DPP10: variants seen among roughly 807,000 people sequenced by gnomAD.
The protein encoded by DPP10 is inactive dipeptidyl peptidase 10.
DPP10 carries 33 observed loss-of-function variants against 120.9 expected under a neutral mutation model. The ratio of observed to expected loss-of-function variants is 0.27; its 90% CI spans 0.21 to 0.37. The LOEUF is 0.37. Ranked by LOEUF, DPP10 falls within the 10% of genes least tolerant of loss-of-function variation. The probability of loss-of-function intolerance (pLI) is 1.00; values close to 1 mark genes in which losing one functional copy is unlikely to be tolerated. For synonymous variants in DPP10, 337 were observed against 326.1 expected, an observed-to-expected ratio of 1.03 and a Z score of -0.36; for missense variants, 816 against 942.8, an observed-to-expected ratio of 0.87 and a Z score of 1.76.
intron 1 of DPP10, chr2:115,064,926 C>T: frequency 2.1e-6 from 2 of 970,582 alleles, no homozygotes; most frequent in Non-Finnish European, 2.8e-6. Flanking sequence ...TTGTTTTAAG[C>T]ATTATTCATC....
At chr2:115,280,592 T>A (rs910675288) in intron 1 of DPP10, among the ~76,000 whole-genome samples, 4 of 152,200 alleles carry the variant, frequency 2.6e-5, no homozygotes, top group Admixed American at 2.6e-4. Flanking sequence ...AAGCAAGATG[T>A]CATATGTGTT....
chr2:115,302,266 C>G (rs1005879061), intron 1 of DPP10, among the ~76,000 whole-genome samples: 3 of 152,010 alleles, frequency 2.0e-5, no homozygotes, highest in Non-Finnish European at 2.9e-5. Flanking sequence ...GCCCCTTCTC[C>G]ACCATGATAT....
At chr2:115,654,175 A>G (rs2088069779) in intron 5 of DPP10, among the ~76,000 whole-genome samples, 1 of 151,804 alleles carries the variant, frequency 6.6e-6, no homozygotes, top group African/African-American at 2.4e-5. Flanking sequence ...CTGCAGTGTT[A>G]GCTTCATCAC....
At chr2:115,451,057 A>G (rs1478221354) in intron 3 of DPP10, among the ~76,000 whole-genome samples, 1 of 151,890 alleles carries the variant, frequency 6.6e-6, no homozygotes, top group Non-Finnish European at 1.5e-5. Context: ...TAAATGGAAA[A>G]GCACAAGATA....
intron 1 of DPP10, among the ~76,000 whole-genome samples, chr2:115,114,862 G>A (rs1285966376): frequency 2.0e-5 from 3 of 151,984 alleles, no homozygotes; most frequent in African/African-American, 4.8e-5. Flanking sequence ...GCATTAACAC[G>A]TTGGAATTAA....
At chr2:115,288,275 G>A (rs1438207403) in intron 1 of DPP10, among the ~76,000 whole-genome samples, 1 of 151,862 alleles carries the variant, frequency 6.6e-6, no homozygotes, top group Non-Finnish European at 1.5e-5. Context: ...TTTCCCTGAT[G>A]ATTAGTGATG....
intron 9 of DPP10, among the ~76,000 whole-genome samples, chr2:115,744,536 G>A (rs1677705982): frequency 6.7e-6 from 1 of 150,246 alleles, no homozygotes; most frequent in Admixed American, 7.1e-5. Flanking sequence ...CTTCCAGGAA[G>A]CCCTTTACTC....
At chr2:115,371,807 T>G (rs2065429320) in intron 3 of DPP10, among the ~76,000 whole-genome samples, 2 of 152,206 alleles carry the variant, frequency 1.3e-5, no homozygotes, top group South Asian at 4.2e-4. Flanking sequence ...GGAAACATAT[T>G]TTGTTCTAAT....
intron 24 of DPP10, among the ~76,000 whole-genome samples, chr2:115,838,288 T>G (rs75118061): frequency 0.014 from 2,080 of 152,292 alleles, 50 homozygotes; most frequent in African/African-American, 0.046. Context: ...ACCTTACATA[T>G]ATATCAACAG....
At chr2:115,255,026 A>G (rs1431892256) in intron 1 of DPP10, among the ~76,000 whole-genome samples, 1 of 152,176 alleles carries the variant, frequency 6.6e-6, no homozygotes, top group African/African-American at 2.4e-5. Flanking sequence ...TAGTGAAGCA[A>G]TGGGGACTGT....
At chr2:114,530,333 A>C (rs978776642) in intron 1 of DPP10, among the ~76,000 whole-genome samples, 1 of 152,146 alleles carries the variant, frequency 6.6e-6, no homozygotes, top group Non-Finnish European at 1.5e-5. Context: ...AAATAATTAA[A>C]AAGTATCTCT....
chr2:115,535,670 G>GTC (rs1406342192), intron 5 of DPP10, among the ~76,000 whole-genome samples: 3 of 150,568 alleles, frequency 2.0e-5, no homozygotes, highest in Non-Finnish European at 4.4e-5. Context: ...GTAGCTTGAT[G>GTC]GGGATGGCAT....
chr2:114,837,690 C>T (rs909964926), intron 1 of DPP10, among the ~76,000 whole-genome samples: 21 of 152,176 alleles, frequency 1.4e-4, no homozygotes, highest in Admixed American at 7.9e-4. Context: ...ACAAACAAGC[C>T]CCTAAACCTC....
chr2:114,966,501 A>T (rs1165459922), intron 1 of DPP10, among the ~76,000 whole-genome samples: 1 of 152,116 alleles, frequency 6.6e-6, no homozygotes, highest in Non-Finnish European at 1.5e-5. Flanking sequence ...CTCTTTCTCC[A>T]ATATGTTGAA....
chr2:115,646,888 C>G (rs1366253409), intron 5 of DPP10, among the ~76,000 whole-genome samples: 3 of 152,044 alleles, frequency 2.0e-5, no homozygotes, highest in African/African-American at 7.2e-5. Context: ...CTTCTTTGCC[C>G]CTGTGTGCAC....
At chr2:114,554,404 C>T (rs568721275) in intron 1 of DPP10, among the ~76,000 whole-genome samples, 1 of 152,332 alleles carries the variant, frequency 6.6e-6, no homozygotes, top group East Asian at 1.9e-4. Context: ...GCAGGTCTTG[C>T]CCCCTTTCTG....
At chr2:115,801,761 C>A (rs1040688341) in intron 19 of DPP10, among the ~76,000 whole-genome samples, 1 of 151,990 alleles carries the variant, frequency 6.6e-6, no homozygotes, top group Admixed American at 6.6e-5. Context: ...GTTGAACCAG[C>A]CTTGCATCCC....
intron 1 of DPP10, among the ~76,000 whole-genome samples, chr2:115,228,562 C>G (rs1453274624): frequency 6.6e-6 from 1 of 152,044 alleles, no homozygotes; most frequent in Non-Finnish European, 1.5e-5. Flanking sequence ...ATTCTACTCT[C>G]TATCTCTGTA....
At chr2:115,461,080 T>C (rs1174024200) in intron 3 of DPP10, among the ~76,000 whole-genome samples, 2 of 152,164 alleles carry the variant, frequency 1.3e-5, no homozygotes, top group African/African-American at 4.8e-5. Flanking sequence ...ATTTAACCTA[T>C]TGGTATTTAT....
Sources: gnomAD v4.1 joint callset for allele counts (sites outside exome capture counted in the v4.1 genomes callset) on GRCh38, gnomAD v4.1.1 for gene constraint, MANE v1.5 for transcripts, NCBI Gene and HGNC (gene_info 2026-07-23, HGNC 2026-07-21) for gene names.